The following STEAP3 variants were observed in gnomAD, a reference collection of about 807,000 sequenced individuals.
STEAP3 encodes the protein metalloreductase STEAP3.
A neutral mutation model predicts 34.9 loss-of-function variants in STEAP3; 35 were observed. The ratio of observed to expected loss-of-function variants is 1.00; its 90% CI spans 0.76 to 1.33. The LOEUF (loss-of-function observed/expected upper bound fraction) is 1.33. Ranked by LOEUF, STEAP3 falls within the 40% of genes most tolerant of loss-of-function variation. The pLI, the probability that STEAP3 is intolerant of heterozygous loss-of-function variation, is 0.00. For missense variants in STEAP3, 652 were observed against 667.6 expected (o/e 0.98, Z 0.26); for synonymous variants, 281 against 301.6 (o/e 0.93, Z 0.71).
chr2:119,248,069 C>G lies in STEAP3; in HGVS notation c.913C>G (p.Leu305Val), dbSNP rs1396868138. ...GTKYQRFPDW[L>V]DHWLQHRKQI... ...CAAGTACCAGCGCTTCCCCGACTGGCTGGACCACTGGCTACAGCACCGCAA... is the reference window on the plus strand; with the variant it reads ...CAAGTACCAGCGCTTCCCCGACTGGGTGGACCACTGGCTACAGCACCGCAA... The change falls in exon 4 of 6, where the codon CTG (leucine) becomes GTG (valine). Residue 305 changes from leucine to valine, a missense_variant. Leu to Val is a conservative substitution (Grantham distance 32, BLOSUM62 1). Coordinates refer to ENST00000393110, the MANE Select transcript of STEAP3 (RefSeq NM_182915.3). 3 of 1,608,372 alleles carry G rather than the reference C, an allele frequency of 1.9e-6. No homozygotes were observed. Among genetic ancestry groups the G allele is most frequent in the Non-Finnish European group, 2.5e-6 (3 of 1,179,914 alleles).
chr2:119,247,603 C>T (rs1311239200), intron 3 of STEAP3, 76 bp from the exon 4 acceptor site: 4 of 1,449,138 alleles, frequency 2.8e-6, no homozygotes, highest in Non-Finnish European at 3.6e-6. Context: ...CCCTCGGTTT[C>T]CTCAGCTGCT....
Position 119,263,723 on chromosome 2 carries a change from A to C in STEAP3, c.*385A>C. 1 of 332,190 alleles carries C rather than the reference A, an allele frequency of 3.0e-6. No individual in the cohort carries two copies. The highest frequency in any genetic ancestry group is 5.8e-6 in the Non-Finnish European group (1 of 172,514). The allele number at this position is 332,190 out of a possible 1,614,324, so 20.6% of individuals were successfully genotyped here. ...AGAGGCTTGTGCTGTGGTGGGTTCG[A>C]TTTATCCCTGCCCACCCCACCCCCA... On this transcript the variant is annotated 3_prime_UTR_variant, in exon 6 of 6. Transcript: ENST00000393110.
Position 119,252,525 on chromosome 2 carries a change from C to A in STEAP3, c.1051-2159C>A, listed in dbSNP as rs898540225. Among the ~76,000 whole-genome samples the A allele has an allele frequency of 2.7e-4, 41 of 152,184 alleles. 1 individual carries two copies. Among genetic ancestry groups the A allele is most frequent in the Admixed American group, 9.2e-4 (14 of 15,282 alleles). On this transcript the variant is annotated intron_variant, in intron 4 of 5. Transcript: ENST00000393110. ...TCTGACCTGCAACCTAGAGGGAAAT[C>A]CCACACCTGAATGCTGTCTTTCCAT...
chr2:119,250,391 C>T (rs1257957499), intron 4 of STEAP3, among the ~76,000 whole-genome samples: 1 of 152,202 alleles, frequency 6.6e-6, no homozygotes, highest in Admixed American at 6.5e-5. Flanking sequence ...AGTCACAGCC[C>T]CTCTTTTGTC....
At chr2:119,237,461 C>T (rs969191645) in intron 2 of STEAP3, among the ~76,000 whole-genome samples, 1 of 152,170 alleles carries the variant, frequency 6.6e-6, no homozygotes, top group Non-Finnish European at 1.5e-5. Flanking sequence ...TGCTCCTCTG[C>T]CCTCCCCCCA....
intron 2 of STEAP3, among the ~76,000 whole-genome samples, chr2:119,235,894 G>A (rs1194870018): frequency 6.6e-6 from 1 of 152,168 alleles, no homozygotes; most frequent in East Asian, 1.9e-4. Context: ...GGAGCCCAGT[G>A]CCGACCCCAG....
In STEAP3 at chr2:119,245,988, G is replaced by T; in HGVS notation, c.522G>T (p.Gln174His). 6.2e-7 allele frequency: 1 copy of T among 1,610,216 alleles called. No homozygotes were observed. Among genetic ancestry groups the T allele is most frequent in the Non-Finnish European group, 8.5e-7 (1 of 1,177,746 alleles). ...CTGGCCCAAGGGATGGTAACAGGCA[G>T]GTAGGTTCTGGGGGAATAATACCCA... ...LQAGPRDGNR[Q>H]VPICGDQPEA... is the part of the protein sequence containing the mutation. Residue 174 changes from glutamine to histidine, a missense_variant and splice_region_variant, in exon 3 of 6, where the codon CAG becomes CAT. Coordinates refer to ENST00000393110, the MANE Select transcript of STEAP3 (RefSeq NM_182915.3).
rs529195351 is a variant in STEAP3, at chr2:119,245,724, C to T, written c.258C>T (p.Phe86=). Residue 86 remains phenylalanine (F), a synonymous_variant, in exon 3 of 6, where the codon TTC becomes TTT. Coordinates refer to ENST00000393110, the MANE Select transcript of STEAP3 (RefSeq NM_182915.3). The part of the protein sequence containing the change: ...RLFPSAAQVT[F]QEEAVSSPEV... ...TTCCCTCAGCGGCCCAAGTGACTTT[C>T]CAAGAGGAGGCAGTGAGCTCCCCGG... 1 of 1,614,208 alleles carries T rather than the reference C, an allele frequency of 6.2e-7. No individual in the cohort carries two copies. Among genetic ancestry groups the T allele is most frequent in the Admixed American group, 1.7e-5 (1 of 60,026 alleles).
At position 119,245,667 on chromosome 2, in the gene STEAP3, G is replaced by A; in HGVS notation, c.201G>A (p.Gly67=). ...LVGSGFKVVV[G]SRNPKRTARL... ...GCTCTGGCTTCAAAGTGGTGGTGGG[G>A]AGCCGCAACCCCAAACGCACAGCCA... is the stretch of plus-strand genomic sequence containing the variant. Residue 67 remains glycine (G), a synonymous_variant, in exon 3 of 6, where the codon GGG becomes GGA. Transcript: ENST00000393110. 6.2e-7 allele frequency: 1 copy of A among 1,612,520 alleles called. No individual in the cohort carries two copies. Among genetic ancestry groups the A allele is most frequent in the Non-Finnish European group, 8.5e-7 (1 of 1,178,644 alleles).
At chr2:119,253,314 AG>A (rs771506190) in intron 4 of STEAP3, among the ~76,000 whole-genome samples, 5 of 152,196 alleles carry the variant, frequency 3.3e-5, no homozygotes, top group African/African-American at 4.8e-5. Flanking sequence ...GCCCTAAAAT[AG>A]AACAGAGCCA....
In STEAP3 at chr2:119,247,921, C is replaced by G; in HGVS notation, c.765C>G (p.Asn255Lys). The change falls in exon 4 of 6, where the codon AAC becomes AAG. Residue 255 changes from asparagine to lysine, a missense_variant. Coordinates refer to ENST00000393110, the MANE Select transcript of STEAP3 (RefSeq NM_182915.3). ...AGCCCTATGTGCAGGAAAGCCAGAA[C>G]AAGTTCTTCAAGCTGCCCGTGTCCG... ...VLQPYVQESQ[N>K]KFFKLPVSVV... 1 of 1,613,864 alleles carries G rather than the reference C, an allele frequency of 6.2e-7. No individual in the cohort carries two copies. Among genetic ancestry groups the G allele is most frequent in the Non-Finnish European group, 8.5e-7 (1 of 1,180,002 alleles).
rs140126918 is a variant in STEAP3, at chr2:119,247,801, C to T, written c.645C>T (p.Pro215=). 9.9e-6 allele frequency: 16 copies of T among 1,611,374 alleles called. No individual in the cohort carries two copies. Among genetic ancestry groups the T allele is most frequent in the Non-Finnish European group, 1.4e-5 (16 of 1,179,958 alleles). The change falls in exon 4 of 6, where the codon CCC becomes CCT. Residue 215 remains proline, a synonymous_variant. Coordinates refer to ENST00000393110, the MANE Select transcript of STEAP3 (RefSeq NM_182915.3). Reference sequence around the variant, plus strand: ...CAGCCTGGGAGGTGGAGGCCATGCCCCTGCGCCTCCTCCCGGCCTGGAAGG... The same window carrying T: ...CAGCCTGGGAGGTGGAGGCCATGCCTCTGCGCCTCCTCCCGGCCTGGAAGG... ...LASAWEVEAM[P]LRLLPAWKVP...
chr2:119,262,713 A>G (rs1283261207), intron 5 of STEAP3, among the ~76,000 whole-genome samples: 2 of 152,200 alleles, frequency 1.3e-5, no homozygotes, highest in Non-Finnish European at 2.9e-5. Flanking sequence ...ACTTAATTCC[A>G]TCTGAAATCA....
At chr2:119,257,226 G>A (rs1204168663) in intron 5 of STEAP3, among the ~76,000 whole-genome samples, 2 of 152,216 alleles carry the variant, frequency 1.3e-5, no homozygotes, top group Non-Finnish European at 2.9e-5. Context: ...TCAGTTATAT[G>A]GAATTGCTAG....
chr2:119,252,558 T>C lies in STEAP3; in HGVS notation c.1051-2126T>C, dbSNP rs372315814. ...TGAATGCTGTCTTTCCATCTCTTGT[T>C]GATGAACACTCTCCTTGGCCTTCTC... On this transcript the variant is annotated intron_variant, in intron 4 of 5. Transcript: ENST00000393110. Among the ~76,000 whole-genome samples, 7 of 152,322 alleles carry C rather than the reference T, an allele frequency of 4.6e-5. No individual in the cohort carries two copies. The East Asian group carries it at 1.2e-3, about 25-fold the overall frequency.
rs1223317767 is a variant in STEAP3, at chr2:119,264,915, A to T, written c.*1577A>T. ...GCAAGGATAGCTCATTAGGCACATG[A>T]CCGATGCAGGGAAGGCCATGCCGGG... On this transcript the variant is annotated 3_prime_UTR_variant, in exon 6 of 6. Coordinates refer to ENST00000393110, the MANE Select transcript of STEAP3 (RefSeq NM_182915.3). The T allele has an allele frequency of 1.3e-5, 2 of 152,118 alleles. No individual in the cohort carries two copies. The highest frequency in any genetic ancestry group is 2.9e-5 in the Non-Finnish European group (2 of 68,070). The allele number at this position is 152,118 out of a possible 1,614,324, so 9.4% of individuals were successfully genotyped here.
chr2:119,238,823 TG>T (rs1014172827), intron 2 of STEAP3, among the ~76,000 whole-genome samples: 1 of 152,188 alleles, frequency 6.6e-6, no homozygotes, highest in African/African-American at 2.4e-5. Context: ...GAAGGATTTC[TG>T]CCCCCAGAGG....
At chr2:119,225,070 C>T (rs1678997268) in intron 1 of STEAP3, among the ~76,000 whole-genome samples, 1 of 152,174 alleles carries the variant, frequency 6.6e-6, no homozygotes, top group Non-Finnish European at 1.5e-5. Flanking sequence ...GTGCTGAGAG[C>T]CAGAAGGTCC....
chr2:119,262,035 G>A (rs1194940824), intron 5 of STEAP3, among the ~76,000 whole-genome samples: 1 of 152,166 alleles, frequency 6.6e-6, no homozygotes, highest in Non-Finnish European at 1.5e-5. Context: ...AGTGTGGGGT[G>A]GGAGGTGAAG....
Sources: gnomAD v4.1 joint callset for allele counts (sites outside exome capture counted in the v4.1 genomes callset) on GRCh38, gnomAD v4.1.1 for gene constraint, MANE v1.5 for transcripts, NCBI Gene and HGNC (gene_info 2026-07-23, HGNC 2026-07-21) for gene names.